EFCAB11: variants seen among roughly 807,000 people sequenced by gnomAD.
The protein encoded by EFCAB11 is EF-hand calcium-binding domain-containing protein 11.
A neutral mutation model predicts 23.0 loss-of-function variants in EFCAB11; 14 were observed. That is an observed-to-expected ratio of 0.61 (90% confidence interval 0.40 to 0.95). The LOEUF (loss-of-function observed/expected upper bound fraction) is 0.95, where lower values mean the gene tolerates loss of function less well. EFCAB11 is among the 40% of genes least tolerant of loss of function. EFCAB11 has a pLI of 0.00. For missense variants in EFCAB11, 198 were observed against 195.8 expected, an observed-to-expected ratio of 1.01 and a Z score of -0.07; for synonymous variants, 65 against 66.6, an observed-to-expected ratio of 0.98 and a Z score of 0.11.
chr14:89,830,421 C>T (rs1384598509), intron 5 of EFCAB11: 2 of 152,108 alleles, frequency 1.3e-5, no homozygotes, highest in Non-Finnish European at 2.9e-5. Flanking sequence ...TTCCTGTTTG[C>T]TAAAAATTAC....
intron 5 of EFCAB11, among the ~76,000 whole-genome samples, chr14:89,842,643 A>C (rs1887310287): frequency 6.6e-6 from 1 of 151,874 alleles, no homozygotes; most frequent in African/African-American, 2.4e-5. Context: ...ATATGATATA[A>C]TATAATGTCC....
chr14:89,909,699 T>A (rs888711935), intron 5 of EFCAB11, among the ~76,000 whole-genome samples: 1 of 152,200 alleles, frequency 6.6e-6, no homozygotes, highest in Non-Finnish European at 1.5e-5. Context: ...TGGCACTGCC[T>A]ATCTCTCCAG....
At chr14:89,838,454 A>AC (rs1324262920) in intron 5 of EFCAB11, among the ~76,000 whole-genome samples, 50 of 150,012 alleles carry the variant, frequency 3.3e-4, no homozygotes, top group South Asian at 1.0e-3. Context: ...AAAAAAAAAA[A>AC]CCAAAAAAAC....
intron 5 of EFCAB11, among the ~76,000 whole-genome samples, chr14:89,829,116 T>C (rs942942683): frequency 1.4e-4 from 22 of 152,260 alleles, no homozygotes; most frequent in African/African-American, 5.3e-4. Flanking sequence ...GTCTGAACTG[T>C]ATAAAACTAT....
intron 5 of EFCAB11, among the ~76,000 whole-genome samples, chr14:89,850,674 G>A (rs556328984): frequency 6.6e-6 from 1 of 152,310 alleles, no homozygotes; most frequent in African/African-American, 2.4e-5. Context: ...GTATGTATGT[G>A]TGTGTGTATG....
At chr14:89,882,071 C>T (rs56247771) in intron 5 of EFCAB11, among the ~76,000 whole-genome samples, 13,411 of 152,202 alleles carry the variant, frequency 0.088, 765 homozygotes, top group South Asian at 0.2. Context: ...ATCCCACTTC[C>T]CCTTTCAAAC....
intron 5 of EFCAB11, 165 bp downstream of exon 5, chr14:89,931,376 A>C (rs1890383490): frequency 1.5e-6 from 1 of 647,740 alleles, no homozygotes; most frequent in African/African-American, 1.8e-5. Flanking sequence ...GGAAGGACCC[A>C]TAGCTAACTA....
At chr14:89,812,237 A>G (rs1358841506) in intron 5 of EFCAB11, among the ~76,000 whole-genome samples, 1 of 152,222 alleles carries the variant, frequency 6.6e-6, no homozygotes, top group East Asian at 1.9e-4. Flanking sequence ...AACTAGAAAT[A>G]CCTTAATAAG....
chr14:89,820,562 T>C (rs1886481835), intron 5 of EFCAB11, among the ~76,000 whole-genome samples: 1 of 151,690 alleles, frequency 6.6e-6, no homozygotes, highest in South Asian at 2.1e-4. Flanking sequence ...ACATCACATA[T>C]TTCCCTCATC....
At chr14:89,930,460 C>A (rs1890350526) in intron 5 of EFCAB11, among the ~76,000 whole-genome samples, 1 of 152,174 alleles carries the variant, frequency 6.6e-6, no homozygotes, top group African/African-American at 2.4e-5. Flanking sequence ...AAAACCCTTC[C>A]CCCTTGCAGC....
intron 5 of EFCAB11, among the ~76,000 whole-genome samples, chr14:89,812,188 A>G (rs927162221): frequency 6.6e-6 from 1 of 152,188 alleles, no homozygotes; most frequent in East Asian, 1.9e-4. Flanking sequence ...CTAAAGGGGG[A>G]AAAGATTCCA....
intron 5 of EFCAB11, among the ~76,000 whole-genome samples, chr14:89,874,222 A>G (rs1482659674): frequency 1.3e-5 from 2 of 152,166 alleles, no homozygotes; most frequent in African/African-American, 4.8e-5. Flanking sequence ...TTTCAGCTGT[A>G]TATTGGCCCC....
At chr14:89,930,836 A>G (rs1484594873) in intron 5 of EFCAB11, among the ~76,000 whole-genome samples, 1 of 152,192 alleles carries the variant, frequency 6.6e-6, no homozygotes, top group Non-Finnish European at 1.5e-5. Context: ...AACGCTAATG[A>G]ATACACCTGT....
intron 5 of EFCAB11, among the ~76,000 whole-genome samples, chr14:89,878,954 A>T (rs1354109178): frequency 4.6e-5 from 7 of 151,980 alleles, no homozygotes; most frequent in Admixed American, 3.9e-4. Flanking sequence ...TCATTATCTT[A>T]AAACAATGTC....
intron 5 of EFCAB11, among the ~76,000 whole-genome samples, chr14:89,810,115 G>A (rs1467647176): frequency 6.6e-6 from 1 of 152,206 alleles, no homozygotes; most frequent in East Asian, 1.9e-4. Flanking sequence ...CTATGAACTT[G>A]CAGTGGGCAG....
chr14:89,854,237 AT>A (rs33945384), intron 5 of EFCAB11, among the ~76,000 whole-genome samples: 105,935 of 150,634 alleles, frequency 0.7, 37,958 homozygotes, highest in Non-Finnish European at 0.79. Context: ...ATACAAACAC[AT>A]TTTTTTTAAA....
chr14:89,943,301 A>T (rs921319603), intron 3 of EFCAB11, among the ~76,000 whole-genome samples: 2 of 149,220 alleles, frequency 1.3e-5, no homozygotes, highest in Non-Finnish European at 3.0e-5. Context: ...GCTGGCGTGC[A>T]GTGGCGTGAT....
rs371508767 is a variant in EFCAB11, at chr14:89,876,140, G to A, written c.410+55401C>T. ...TGAGTTCAGAAGTAGAGACTGTGGG[G>A]AAATGAAAACAACAAGCAGACTACT... On this transcript the variant is annotated intron_variant, in intron 5 of 5. Coordinates refer to ENST00000316738, the MANE Select transcript of EFCAB11 (RefSeq NM_145231.4). Among the ~76,000 whole-genome samples the A allele has an allele frequency of 7.2e-5, 11 of 152,292 alleles. No homozygotes were observed. The East Asian group carries it at 7.7e-4, about 11-fold the overall frequency.
intron 5 of EFCAB11, among the ~76,000 whole-genome samples, chr14:89,807,948 T>C (rs910652916): frequency 3.3e-5 from 5 of 152,142 alleles, no homozygotes; most frequent in African/African-American, 1.2e-4. Flanking sequence ...TATGTATATA[T>C]AGGAATTCTG....
Sources: gnomAD v4.1 joint callset for allele counts (sites outside exome capture counted in the v4.1 genomes callset) on GRCh38, gnomAD v4.1.1 for gene constraint, MANE v1.5 for transcripts, NCBI Gene and HGNC (gene_info 2026-07-23, HGNC 2026-07-21) for gene names.